The following ROBO1 variants were observed in gnomAD, a reference collection of about 807,000 sequenced individuals.
ROBO1 encodes roundabout guidance receptor 1, also known as roundabout homolog 1.
Under a neutral mutation model 195.9 loss-of-function variants are expected in ROBO1, and 149 were observed. The observed-to-expected ratio is 0.76, with a 90% CI of 0.67 to 0.87. ROBO1 has a LOEUF of 0.87. Ranked by LOEUF, ROBO1 falls within the 40% of genes least tolerant of loss-of-function variation. ROBO1 has a pLI of 0.00. For missense variants in ROBO1, 1,933 were observed against 2,068.3 expected (o/e 0.93, Z 1.27); for synonymous variants, 816 against 733.2 (o/e 1.11, Z -1.82).
intron 4 of ROBO1, among the ~76,000 whole-genome samples, chr3:78,916,570 A>G (rs535017230): frequency 6.6e-6 from 1 of 152,006 alleles, no homozygotes; most frequent in South Asian, 2.1e-4. Flanking sequence ...AAAAAAAAAA[A>G]AAAGAAAAAA....
At chr3:79,399,900 A>G (rs1466481531) in intron 2 of ROBO1, among the ~76,000 whole-genome samples, 6 of 152,138 alleles carry the variant, frequency 3.9e-5, no homozygotes, top group Admixed American at 1.3e-4. Flanking sequence ...GTGTTTTCCA[A>G]ACATGATCCA....
chr3:79,381,153 T>C (rs2036554121), intron 2 of ROBO1, among the ~76,000 whole-genome samples: 1 of 151,732 alleles, frequency 6.6e-6, no homozygotes, highest in Non-Finnish European at 1.5e-5. Flanking sequence ...GGTCAGGAGA[T>C]GGAGAGCATC....
At chr3:79,139,024 T>G (rs1376373987) in intron 2 of ROBO1, among the ~76,000 whole-genome samples, 3 of 151,824 alleles carry the variant, frequency 2.0e-5, no homozygotes, top group Non-Finnish European at 2.9e-5. Context: ...ATACAAAAAT[T>G]GTCAAGTAGA....
At chr3:79,630,171 C>T (rs1945296436) in intron 1 of ROBO1, among the ~76,000 whole-genome samples, 2 of 151,826 alleles carry the variant, frequency 1.3e-5, no homozygotes, top group African/African-American at 4.8e-5. Context: ...CAAACCAAAA[C>T]CAAGCAAGGG....
chr3:78,622,463 A>G (rs1704512624), intron 26 of ROBO1, among the ~76,000 whole-genome samples: 1 of 152,214 alleles, frequency 6.6e-6, no homozygotes, highest in South Asian at 2.1e-4. Flanking sequence ...CTTAGGTAAC[A>G]TGCTTTATGC....
intron 2 of ROBO1, among the ~76,000 whole-genome samples, chr3:79,513,605 G>A (rs1575948500): frequency 1.3e-5 from 2 of 151,920 alleles, no homozygotes; most frequent in African/African-American, 2.4e-5. Flanking sequence ...TTTATAGAGC[G>A]ATTAAGTCAC....
intron 3 of ROBO1, among the ~76,000 whole-genome samples, chr3:79,099,362 A>G (rs965490382): frequency 6.6e-6 from 1 of 151,764 alleles, no homozygotes; most frequent in Non-Finnish European, 1.5e-5. Flanking sequence ...AGATAGATAA[A>G]TTAACAATTA....
chr3:79,375,058 T>G (rs11922890), intron 2 of ROBO1, among the ~76,000 whole-genome samples: 3,326 of 152,302 alleles, frequency 0.022, 104 homozygotes, highest in African/African-American at 0.074. Flanking sequence ...AGACAAACTT[T>G]GTGTCTTCAA....
At chr3:79,171,493 T>A (rs1022372837) in intron 2 of ROBO1, among the ~76,000 whole-genome samples, 3 of 150,990 alleles carry the variant, frequency 2.0e-5, no homozygotes, top group African/African-American at 7.3e-5. Context: ...AAGAAAGTGA[T>A]GAAGAAAATA....
intron 3 of ROBO1, among the ~76,000 whole-genome samples, chr3:79,020,645 T>C (rs533407422): frequency 8.4e-4 from 128 of 152,284 alleles, no homozygotes; most frequent in Non-Finnish European, 1.4e-3. Context: ...TGAGCCGAGA[T>C]AACTTGCCAC....
At chr3:79,230,408 C>T (rs1296131930) in intron 2 of ROBO1, among the ~76,000 whole-genome samples, 1 of 152,080 alleles carries the variant, frequency 6.6e-6, no homozygotes, top group Admixed American at 6.6e-5. Context: ...CTTCAGTGTA[C>T]TCATGCCTCA....
chr3:79,247,714 C>T (rs1263614358), intron 2 of ROBO1, among the ~76,000 whole-genome samples: 1 of 152,098 alleles, frequency 6.6e-6, no homozygotes, highest in Non-Finnish European at 1.5e-5. Context: ...ACAACGCTCA[C>T]AGGCACTTTG....
At chr3:78,962,823 CAAAAAA>C (rs770515270) in intron 3 of ROBO1, among the ~76,000 whole-genome samples, 1,320 of 26,124 alleles carry the variant, frequency 0.051, 28 homozygotes, top group African/African-American at 0.14. Context: ...GACTCCATCT[CAAAAAA>C]AAAAAAAAAA....
chr3:78,871,415 T>A (rs2035536069), intron 4 of ROBO1, among the ~76,000 whole-genome samples: 1 of 152,160 alleles, frequency 6.6e-6, no homozygotes, highest in Non-Finnish European at 1.5e-5. Flanking sequence ...TTTATTAAAT[T>A]CCTTTTAAGG....
intron 4 of ROBO1, among the ~76,000 whole-genome samples, chr3:78,914,979 A>C (rs1035089919): frequency 1.3e-5 from 2 of 151,920 alleles, no homozygotes; most frequent in African/African-American, 4.8e-5. Flanking sequence ...TTGCATTATT[A>C]GGTGTTTGAT....
At chr3:79,238,653 A>G (rs1433673514) in intron 2 of ROBO1, among the ~76,000 whole-genome samples, 1 of 152,232 alleles carries the variant, frequency 6.6e-6, no homozygotes, top group East Asian at 1.9e-4. Flanking sequence ...CATAGTTTTA[A>G]GTGCTTGATC....
chr3:79,158,295 T>C (rs961025739), intron 2 of ROBO1, among the ~76,000 whole-genome samples: 1 of 151,122 alleles, frequency 6.6e-6, no homozygotes, highest in African/African-American at 2.4e-5. Context: ...TATTCATTTA[T>C]ATATTAATGA....
At chr3:78,910,390 A>T (rs186373412) in intron 4 of ROBO1, among the ~76,000 whole-genome samples, 6 of 152,026 alleles carry the variant, frequency 3.9e-5, no homozygotes, top group Admixed American at 2.0e-4. Context: ...AATCATACTT[A>T]GGCTCACCCG....
intron 1 of ROBO1, among the ~76,000 whole-genome samples, chr3:79,607,562 ATAT>A (rs1257918001): frequency 6.6e-6 from 1 of 150,664 alleles, no homozygotes; most frequent in African/African-American, 2.4e-5. Flanking sequence ...TTGCATTATA[ATAT>A]TATCTTCAAT....
Sources: allele counts gnomAD v4.1 joint callset (sites outside exome capture counted in the v4.1 genomes callset), GRCh38; gene constraint gnomAD v4.1.1; transcripts MANE v1.5; gene names NCBI Gene and HGNC (gene_info 2026-07-23, HGNC 2026-07-21).